CNBD2: variants seen among roughly 807,000 people sequenced by gnomAD.
The protein encoded by CNBD2 is cyclic nucleotide binding domain containing 2.
Under a neutral mutation model 63.7 loss-of-function variants are expected in CNBD2, and 64 were observed. The ratio of observed to expected loss-of-function variants is 1.00; its 90% CI spans 0.82 to 1.24. The LOEUF (loss-of-function observed/expected upper bound fraction) is 1.24. Ranked by LOEUF, CNBD2 falls within the 50% of genes most tolerant of loss-of-function variation. The probability of loss-of-function intolerance (pLI) is 0.00; values close to 1 mark genes in which losing one functional copy is unlikely to be tolerated. For synonymous variants in CNBD2, 229 were observed against 255.4 expected, an observed-to-expected ratio of 0.90 and a Z score of 0.99; for missense variants, 691 against 713.5, an observed-to-expected ratio of 0.97 and a Z score of 0.36.
At chr20:36,018,836 GT>G (rs1312567638) in intron 10 of CNBD2, among the ~76,000 whole-genome samples, 1 of 152,234 alleles carries the variant, frequency 6.6e-6, no homozygotes, top group Non-Finnish European at 1.5e-5. Flanking sequence ...GCTTCTAATA[GT>G]TAGCTGTGTG....
intron 7 of CNBD2, 89 bp downstream of exon 7, chr20:35,987,622 C>G (rs1000623171): frequency 7.5e-6 from 11 of 1,463,120 alleles, no homozygotes; most frequent in Non-Finnish European, 1.0e-5. Flanking sequence ...GAGTTTGAGC[C>G]CTTTTCTGCA....
At chr20:35,965,896 G>A (rs1366275551), upstream of CNBD2, among the ~76,000 whole-genome samples, 2 of 152,162 alleles carry the variant, frequency 1.3e-5, no homozygotes, top group Non-Finnish European at 2.9e-5. Flanking sequence ...AACCACAGCT[G>A]GCAAGAGGTG....
chr20:36,020,302 C>T (rs555488603), intron 10 of CNBD2, among the ~76,000 whole-genome samples: 81 of 152,188 alleles, frequency 5.3e-4, no homozygotes, highest in Non-Finnish European at 1.0e-3. Flanking sequence ...AGGATGGTCT[C>T]GATCTCCTGA....
intron 6 of CNBD2, 79 bp downstream of exon 6, chr20:35,984,857 G>A (rs183764967): frequency 1.5e-4 from 219 of 1,432,730 alleles, no homozygotes; most frequent in Non-Finnish European, 2.2e-5. Flanking sequence ...TAGGCCTGGT[G>A]GGAAACATAC....
intron 10 of CNBD2, among the ~76,000 whole-genome samples, chr20:36,015,563 T>C (rs541587631): frequency 6.6e-6 from 1 of 152,212 alleles, no homozygotes; most frequent in East Asian, 1.9e-4. Context: ...AGGATGAGTC[T>C]AGAACATATT....
chr20:35,984,909 C>A, intron 6 of CNBD2, 131 bp downstream of exon 6: 1 of 845,596 alleles, frequency 1.2e-6, no homozygotes, highest in Non-Finnish European at 1.9e-6. Context: ...GAAGTCCCAC[C>A]TCGTACCCAC....
chr20:35,987,831 C>T (rs1328848804), intron 7 of CNBD2, among the ~76,000 whole-genome samples: 1 of 152,088 alleles, frequency 6.6e-6, no homozygotes, highest in African/African-American at 2.4e-5. Context: ...GCTGTTGAAT[C>T]TTAGTGATGC....
chr20:36,023,867 C>A, intron 11 of CNBD2, 96 bp downstream of exon 11: 1 of 1,088,484 alleles, frequency 9.2e-7, no homozygotes, highest in Non-Finnish European at 1.3e-6. Flanking sequence ...ATACCTGTTG[C>A]TGACAAGGGT....
At chr20:36,010,444 C>CAAA (rs147122121) in intron 9 of CNBD2, among the ~76,000 whole-genome samples, 7 of 92,976 alleles carry the variant, frequency 7.5e-5, no homozygotes, top group African/African-American at 2.6e-4. Flanking sequence ...AACTCTGTCT[C>CAAA]AAAAAAAAAA....
intron 10 of CNBD2, among the ~76,000 whole-genome samples, chr20:36,021,083 G>A (rs2057201315): frequency 6.6e-6 from 1 of 152,128 alleles, no homozygotes; most frequent in Non-Finnish European, 1.5e-5. Flanking sequence ...GCATTTCACA[G>A]GCGAGCAATG....
chr20:35,987,173 G>A lies in CNBD2; in HGVS notation c.717-222G>A, dbSNP rs2056679300. On this transcript the variant is annotated intron_variant, in intron 6 of 11. Coordinates refer to ENST00000373973, the MANE Select transcript of CNBD2 (RefSeq NM_001365709.1). ...GGCATCTGAGCAGCAGTAAAGAGGGGAGCTTGGCTGGAGGGGAGGGCCTTG... is the reference window on the plus strand; with the variant it reads ...GGCATCTGAGCAGCAGTAAAGAGGGAAGCTTGGCTGGAGGGGAGGGCCTTG... Among the ~76,000 whole-genome samples the A allele has an allele frequency of 3.3e-5, 5 of 152,304 alleles. No individual in the cohort carries two copies. The South Asian group carries it at 1.0e-3, about 32-fold the overall frequency.
At chr20:35,968,532 C>T (rs1197676100), upstream of CNBD2, 2 of 447,550 alleles carry the variant, frequency 4.5e-6, no homozygotes, top group East Asian at 4.3e-5. Flanking sequence ...ATCCCTGTGT[C>T]CCCTGCCTCC....
At chr20:36,026,795 C>G (rs955217111) in intron 11 of CNBD2, among the ~76,000 whole-genome samples, 2 of 152,242 alleles carry the variant, frequency 1.3e-5, no homozygotes, top group Non-Finnish European at 2.9e-5. Flanking sequence ...TACCCCCTTT[C>G]TGCACACTCA....
intron 10 of CNBD2, among the ~76,000 whole-genome samples, chr20:36,019,529 GAAAAAAAA>G (rs60556168): frequency 1.4e-5 from 1 of 71,712 alleles, no homozygotes. Context: ...CTCAAAAAAA[GAAAAAAAA>G]AAAAAAAAAA....
At chr20:36,003,189 T>C (rs1306329673) in intron 8 of CNBD2, among the ~76,000 whole-genome samples, 1 of 152,208 alleles carries the variant, frequency 6.6e-6, no homozygotes, top group Non-Finnish European at 1.5e-5. Flanking sequence ...ATTTTTTCCT[T>C]GGAATATAAT....
chr20:36,013,563 C>T (rs2057092394), intron 10 of CNBD2, among the ~76,000 whole-genome samples: 1 of 152,142 alleles, frequency 6.6e-6, no homozygotes. Context: ...ACTTAAGTAA[C>T]TTTGGAAATG....
intron 9 of CNBD2, among the ~76,000 whole-genome samples, chr20:36,010,592 G>A (rs1195574991): frequency 2.0e-5 from 3 of 152,034 alleles, no homozygotes; most frequent in Non-Finnish European, 2.9e-5. Flanking sequence ...GCAACATTGT[G>A]AAACCCTGTC....
chr20:35,960,243 G>A (rs1245079079), downstream of CNBD2, among the ~76,000 whole-genome samples: 1 of 152,156 alleles, frequency 6.6e-6, no homozygotes, highest in Non-Finnish European at 1.5e-5. Flanking sequence ...GCAAACTAAA[G>A]TTCAGAAAGT....
At chr20:35,981,640 A>C (rs1211859924) in intron 4 of CNBD2, among the ~76,000 whole-genome samples, 1 of 152,054 alleles carries the variant, frequency 6.6e-6, no homozygotes, top group Non-Finnish European at 1.5e-5. Flanking sequence ...TAGTCTCACT[A>C]TGTTGCTCAG....
Sources: allele counts gnomAD v4.1 joint callset (sites outside exome capture counted in the v4.1 genomes callset), GRCh38; gene constraint gnomAD v4.1.1; transcripts MANE v1.5; gene names NCBI Gene and HGNC (gene_info 2026-07-23, HGNC 2026-07-21).